MET: variants seen among roughly 807,000 people sequenced by gnomAD.
MET encodes MET proto-oncogene, receptor tyrosine kinase.
MET carries 48 observed loss-of-function variants against 133.1 expected under a neutral mutation model. The observed-to-expected ratio is 0.36, with a 90% confidence interval of 0.29 to 0.46. MET has a LOEUF of 0.46. Among genes scored for constraint, MET ranks in the 20% least tolerant of loss-of-function variants. MET has a pLI of 1.00. For synonymous variants in MET, 628 were observed against 616.5 expected, an observed-to-expected ratio of 1.02 and a Z score of -0.28; for missense variants, 1,442 against 1,695.9, an observed-to-expected ratio of 0.85 and a Z score of 2.63.
chr7:116,718,776 AATG>A (rs1486526150), intron 2 of MET, among the ~76,000 whole-genome samples: 1 of 148,874 alleles, frequency 6.7e-6, no homozygotes, highest in African/African-American at 2.5e-5. Flanking sequence ...GTTTACTGAG[AATG>A]ATGATTTCCA....
intron 1 of MET, among the ~76,000 whole-genome samples, chr7:116,674,227 T>C (rs1290266741): frequency 6.6e-6 from 1 of 152,196 alleles, no homozygotes; most frequent in Admixed American, 6.5e-5. Flanking sequence ...AATTAGTTGA[T>C]GGAGTTTATC....
chr7:116,759,089 A>T (rs941742595), intron 9 of MET, among the ~76,000 whole-genome samples: 3 of 152,216 alleles, frequency 2.0e-5, no homozygotes, highest in Non-Finnish European at 4.4e-5. Context: ...TAATTCTATC[A>T]GTCTAGCAAC....
Position 116,795,655 on chromosome 7 carries a change from T to C in MET, c.3799T>C (p.Trp1267Arg). The C allele has an allele frequency of 6.2e-7, 1 of 1,613,804 alleles. No homozygotes were observed. Among genetic ancestry groups the C allele is most frequent in the Non-Finnish European group, 8.5e-7 (1 of 1,180,002 alleles). The part of the protein sequence containing the change: ...TQKFTTKSDV[W>R]SFGVLLWELM... ...TCTGTCCTGTTTCTTGTTTTACTAGTGGTCCTTTGGCGTGCTCCTCTGGGA... is the reference window on the plus strand; with the variant it reads ...TCTGTCCTGTTTCTTGTTTTACTAGCGGTCCTTTGGCGTGCTCCTCTGGGA... Residue 1267 changes from tryptophan (W) to arginine (R), a missense_variant and splice_region_variant, in exon 20 of 21, where the codon TGG becomes CGG. This residue lies in a region of MET where 32 missense variants were observed against 72.4 expected (regional missense o/e 0.44). Transcript: ENST00000397752.
chr7:116,746,758 T>A (rs140971436), intron 5 of MET, among the ~76,000 whole-genome samples: 1,817 of 135,784 alleles, frequency 0.013, 17 homozygotes, highest in Middle Eastern at 0.022. Flanking sequence ...GGAAGGGGAA[T>A]ATCACACACC....
chr7:116,781,511 A>G (rs756156682), intron 17 of MET, among the ~76,000 whole-genome samples: 13 of 152,228 alleles, frequency 8.5e-5, no homozygotes, highest in Non-Finnish European at 1.5e-4. Context: ...GGTGTGTTGC[A>G]TACAATAAAT....
At chr7:116,770,944 C>A (rs770168163) in intron 12 of MET, among the ~76,000 whole-genome samples, 2 of 152,052 alleles carry the variant, frequency 1.3e-5, no homozygotes, top group African/African-American at 4.8e-5. Context: ...TTCAGAAGGA[C>A]CATAAATCCT....
intron 1 of MET, among the ~76,000 whole-genome samples, chr7:116,687,911 G>A (rs148145098): frequency 1.3e-5 from 2 of 152,304 alleles, no homozygotes; most frequent in Admixed American, 6.5e-5. Flanking sequence ...TTGTGTGACA[G>A]CCACTGTGAA....
intron 5 of MET, among the ~76,000 whole-genome samples, chr7:116,741,435 C>G (rs916116152): frequency 2.0e-5 from 3 of 152,204 alleles, no homozygotes; most frequent in South Asian, 2.1e-4. Flanking sequence ...CCTATATAGG[C>G]CAAGTGCCCA....
rs757750209 is a variant in MET, at chr7:116,796,250, T to A, written c.*126T>A. The A allele has an allele frequency of 4.4e-5, 38 of 866,160 alleles. No individual in the cohort carries two copies. Among genetic ancestry groups the A allele is most frequent in the Non-Finnish European group, 6.5e-5 (34 of 522,192 alleles). 53.7% of individuals were successfully genotyped at this position (866,160 alleles called of 1,614,324 possible). On this transcript the variant is annotated 3_prime_UTR_variant, in exon 21 of 21. Coordinates refer to ENST00000397752, the MANE Select transcript of MET (RefSeq NM_000245.4). ...TGCACTATTATAGGACTTGTATTGTTATTTAAATTACTGGATTCTAAGGAA... is the reference window on the plus strand; with the variant it reads ...TGCACTATTATAGGACTTGTATTGTAATTTAAATTACTGGATTCTAAGGAA...
intron 15 of MET, among the ~76,000 whole-genome samples, chr7:116,775,574 C>T (rs898588297): frequency 2.0e-5 from 3 of 152,030 alleles, no homozygotes; most frequent in Non-Finnish European, 4.4e-5. Context: ...GGCGTGGTGG[C>T]GGGTGCCTTT....
intron 5 of MET, among the ~76,000 whole-genome samples, chr7:116,754,645 C>A (rs992830734): frequency 6.6e-6 from 1 of 151,248 alleles, no homozygotes; most frequent in Non-Finnish European, 1.5e-5. Context: ...CGTAGTGAGA[C>A]CCTGTCTCTA....
At chr7:116,764,215 A>G (rs912854113) in intron 11 of MET, among the ~76,000 whole-genome samples, 2 of 152,202 alleles carry the variant, frequency 1.3e-5, no homozygotes, top group African/African-American at 4.8e-5. Context: ...GCATATGTTC[A>G]CGTTCATACA....
Position 116,778,858 on chromosome 7 carries a change from G to A in MET, c.3423G>A (p.Ser1141=), listed in dbSNP as rs567551556. The change falls in exon 17 of 21, where the codon TCG becomes TCA. Residue 1141 remains serine (S), a synonymous_variant. Transcript: ENST00000397752. Reference sequence around the variant, plus strand: ...ATTTTAGTCATCCCAATGTCCTCTCGCTCCTGGGAATCTGCCTGCGAAGTG... The same window carrying A: ...ATTTTAGTCATCCCAATGTCCTCTCACTCCTGGGAATCTGCCTGCGAAGTG... ...MKDFSHPNVL[S]LLGICLRSEG... 69 of 1,614,000 alleles carry A rather than the reference G, an allele frequency of 4.3e-5. No homozygotes were observed. Among genetic ancestry groups the A allele is most frequent in the Non-Finnish European group, 5.5e-5 (65 of 1,179,948 alleles).
chr7:116,771,506 A>C lies in MET; in HGVS notation c.2739A>C (p.Gln913His), dbSNP rs1311983597. ...LNSELNIEWK[Q>H]AISSTVLGKV... ...TTATTTGTCATTTTTAGTGGAAGCA[A>C]GCAATTTCTTCAACCGTCCTTGGAA... Residue 913 changes from glutamine to histidine, a missense_variant, in exon 13 of 21, where the codon CAA (glutamine) becomes CAC (histidine). Transcript: ENST00000397752. The C allele has an allele frequency of 1.2e-6, 2 of 1,613,744 alleles. No homozygotes were observed. Among genetic ancestry groups the C allele is most frequent in the Admixed American group, 3.3e-5 (2 of 60,022 alleles).
rs1795722560 is a variant in MET at position 116,797,834 on chromosome 7, C to G, written c.*1710C>G. On this transcript the variant is annotated 3_prime_UTR_variant, in exon 21 of 21. Transcript: ENST00000397752. ...TCAGGACTTGAAGCCAAGGGTTAAC[C>G]CAGCAAGCTACAAAGAGGGTGTGTC... 4.5e-6 allele frequency: 1 copy of G among 224,580 alleles called. No individual in the cohort carries two copies. The highest frequency in any genetic ancestry group is 8.9e-6 in the Non-Finnish European group (1 of 112,690). The allele number at this position is 224,580 out of a possible 1,614,324, so 13.9% of individuals were successfully genotyped here. A position where few individuals can be genotyped will look rare whatever the true frequency, so the allele number is the denominator to read the frequency against.
At chr7:116,786,244 C>T (rs748978073) in intron 19 of MET, among the ~76,000 whole-genome samples, 1 of 152,194 alleles carries the variant, frequency 6.6e-6, no homozygotes, top group Non-Finnish European at 1.5e-5. Flanking sequence ...CATGAATGCC[C>T]ACCCTCATGA....
intron 2 of MET, among the ~76,000 whole-genome samples, chr7:116,713,481 TGG>T (rs1792081616): frequency 1.3e-5 from 2 of 151,784 alleles, no homozygotes; most frequent in Non-Finnish European, 2.9e-5. Flanking sequence ...GTAATCCCAG[TGG>T]CAACATTCAA....
At chr7:116,794,025 A>G (rs889943721) in intron 19 of MET, among the ~76,000 whole-genome samples, 2 of 152,134 alleles carry the variant, frequency 1.3e-5, no homozygotes, top group Admixed American at 1.3e-4. Context: ...CTGTTCCTCA[A>G]GACCCACCTT....
chr7:116,793,236 G>A (rs555466300), intron 19 of MET, among the ~76,000 whole-genome samples: 86 of 151,162 alleles, frequency 5.7e-4, no homozygotes, highest in African/African-American at 2.0e-3. Flanking sequence ...GTGCAGGGGC[G>A]CGATCTCAGC....
Sources: gnomAD v4.1 joint callset for allele counts (sites outside exome capture counted in the v4.1 genomes callset) on GRCh38, gnomAD v4.1.1 for gene constraint, gnomAD v4.1.1 regional missense constraint, MANE v1.5 for transcripts, NCBI Gene and HGNC (gene_info 2026-07-23, HGNC 2026-07-21) for gene names.